The following PTPRT variants were observed in gnomAD, a reference collection of about 807,000 sequenced individuals.
PTPRT encodes receptor-type tyrosine-protein phosphatase T.
PTPRT carries 56 observed loss-of-function variants against 176.8 expected under a neutral mutation model. The ratio of observed to expected loss-of-function variants is 0.32; its 90% CI spans 0.26 to 0.40. The LOEUF is 0.40. Ranked by LOEUF, PTPRT falls within the 10% of genes least tolerant of loss-of-function variation. PTPRT has a pLI of 1.00. For synonymous variants in PTPRT, 783 were observed against 739.0 expected (o/e 1.06, Z -0.96); for missense variants, 1,540 against 1,908.2 (o/e 0.81, Z 3.60).
At chr20:42,815,206 G>A (rs920128396) in intron 2 of PTPRT, among the ~76,000 whole-genome samples, 4 of 152,122 alleles carry the variant, frequency 2.6e-5, no homozygotes, top group Admixed American at 6.5e-5. Context: ...GACATAGCAC[G>A]TTCATTTGCA....
At chr20:43,125,786 A>T (rs2013415514) in intron 1 of PTPRT, among the ~76,000 whole-genome samples, 1 of 152,244 alleles carries the variant, frequency 6.6e-6, no homozygotes, top group African/African-American at 2.4e-5. Context: ...CCTCTGTCAT[A>T]ATCCACAGAT....
chr20:42,531,513 G>A (rs1362421805), intron 7 of PTPRT, among the ~76,000 whole-genome samples: 1 of 152,158 alleles, frequency 6.6e-6, no homozygotes, highest in Admixed American at 6.5e-5. Context: ...GCCATTCTCA[G>A]GCACTCATTT....
intron 29 of PTPRT, 89 bp from the exon 30 acceptor site, chr20:42,082,106 C>A: frequency 6.3e-7 from 1 of 1,578,914 alleles, no homozygotes; most frequent in Non-Finnish European, 8.7e-7. Flanking sequence ...GAGTAGGGAT[C>A]AGCTGTCTGG....
intron 7 of PTPRT, among the ~76,000 whole-genome samples, chr20:42,670,365 C>T (rs1027091811): frequency 4.6e-5 from 7 of 152,102 alleles, no homozygotes; most frequent in East Asian, 3.9e-4. Context: ...TAACACATCC[C>T]GGTCACCCAG....
chr20:42,528,022 A>G (rs561094050), intron 7 of PTPRT, among the ~76,000 whole-genome samples: 1 of 152,360 alleles, frequency 6.6e-6, no homozygotes, highest in African/African-American at 2.4e-5. Context: ...TCATAGGCCA[A>G]GGATGAAATC....
In PTPRT at chr20:42,205,259, T is replaced by C. The variant is rs1365231568; in HGVS notation, c.2343-5871A>G. On this transcript the variant is annotated intron_variant, in intron 15 of 30. Coordinates refer to ENST00000373187, the MANE Select transcript of PTPRT (RefSeq NM_007050.6). ...ATTTTTCTGGTTTAGCAACCTTCTCTTCACCTTTTAAGGCCCAACTCAAAT... is the reference window on the plus strand; with the variant it reads ...ATTTTTCTGGTTTAGCAACCTTCTCCTCACCTTTTAAGGCCCAACTCAAAT... 5.3e-5 allele frequency among the ~76,000 whole-genome samples: 8 copies of C among 152,174 alleles called. No individual in the cohort carries two copies. In the East Asian group the frequency reaches 1.5e-3, roughly 29 times the overall value.
intron 6 of PTPRT, among the ~76,000 whole-genome samples, chr20:42,704,791 G>A (rs577715900): frequency 1.6e-3 from 250 of 152,204 alleles, no homozygotes; most frequent in Middle Eastern, 0.01. Flanking sequence ...GGTCATGTAG[G>A]GGCTGATACA....
At chr20:42,495,958 C>T (rs1291910102) in intron 7 of PTPRT, among the ~76,000 whole-genome samples, 1 of 152,046 alleles carries the variant, frequency 6.6e-6, no homozygotes, top group South Asian at 2.1e-4. Flanking sequence ...TACTCTTGAC[C>T]GAAAGCCTTA....
intron 6 of PTPRT, among the ~76,000 whole-genome samples, chr20:42,747,427 T>C (rs1233915511): frequency 1.3e-5 from 2 of 152,084 alleles, no homozygotes; most frequent in African/African-American, 4.8e-5. Flanking sequence ...GTAGGAAAGA[T>C]GGGTAATCCA....
At chr20:42,940,536 G>A (rs1260364727) in intron 1 of PTPRT, among the ~76,000 whole-genome samples, 2 of 152,174 alleles carry the variant, frequency 1.3e-5, no homozygotes, top group Non-Finnish European at 2.9e-5. Flanking sequence ...GAGGAGATGG[G>A]AGACTGTTTA....
chr20:42,246,155 T>C (rs1180850591), intron 14 of PTPRT, among the ~76,000 whole-genome samples: 1 of 152,048 alleles, frequency 6.6e-6, no homozygotes. Flanking sequence ...TATTGATATA[T>C]ATATGCAGCT....
chr20:42,133,883 G>A (rs1205854474), intron 18 of PTPRT, among the ~76,000 whole-genome samples: 2 of 152,168 alleles, frequency 1.3e-5, no homozygotes, highest in Non-Finnish European at 2.9e-5. Context: ...TACACAGCAG[G>A]TGCTTAATAA....
chr20:42,890,232 C>A (rs953992196), intron 1 of PTPRT, among the ~76,000 whole-genome samples: 3 of 152,216 alleles, frequency 2.0e-5, no homozygotes, highest in African/African-American at 7.2e-5. Flanking sequence ...CCCTATTGGT[C>A]TGACTTGACT....
At position 42,448,464 on chromosome 20, in the gene PTPRT, G is replaced by A. The variant is rs41279248; in HGVS notation, c.1451-135C>T. ...ATATTTTAGGTCTGATGGGCTGTAC[G>A]TTCTCTGTTACAACTACTCAACTCT... On this transcript the variant is annotated intron_variant, in intron 8 of 30. Coordinates refer to ENST00000373187, the MANE Select transcript of PTPRT (RefSeq NM_007050.6). The A allele has an allele frequency of 2.2e-3, 1,466 of 660,908 alleles. 16 individuals are homozygous for A. In the African/African-American group the frequency reaches 0.023, roughly 10 times the overall value. The allele number at this position is 660,908 out of a possible 1,614,324, so 40.9% of individuals were successfully genotyped here.
chr20:42,162,038 A>AT (rs200234483), intron 16 of PTPRT, among the ~76,000 whole-genome samples: 26 of 150,860 alleles, frequency 1.7e-4, no homozygotes, highest in East Asian at 5.9e-4. Context: ...CTTCTCTACT[A>AT]TTTTTTTTTC....
At chr20:42,669,445 C>T (rs543230739) in intron 7 of PTPRT, among the ~76,000 whole-genome samples, 5 of 152,148 alleles carry the variant, frequency 3.3e-5, no homozygotes, top group African/African-American at 9.6e-5. Flanking sequence ...CCATGTTCCC[C>T]GAAGATTTAT....
At chr20:42,931,305 T>TAC (rs576541311) in intron 1 of PTPRT, among the ~76,000 whole-genome samples, 2 of 152,258 alleles carry the variant, frequency 1.3e-5, no homozygotes, top group South Asian at 4.2e-4. Context: ...TTTCTCTTTG[T>TAC]ACACACACAC....
chr20:42,841,754 T>C (rs1007425886), intron 2 of PTPRT, among the ~76,000 whole-genome samples: 2 of 152,186 alleles, frequency 1.3e-5, no homozygotes, highest in Non-Finnish European at 2.9e-5. Context: ...GTGGTAACTA[T>C]TACAAGAGAT....
chr20:42,799,881 C>G (rs2077505211), intron 2 of PTPRT, among the ~76,000 whole-genome samples: 1 of 152,170 alleles, frequency 6.6e-6, no homozygotes, highest in African/African-American at 2.4e-5. Context: ...CTTTACCTGA[C>G]TAGTTAGTGG....
Sources: allele counts gnomAD v4.1 joint callset (sites outside exome capture counted in the v4.1 genomes callset), GRCh38; gene constraint gnomAD v4.1.1; transcripts MANE v1.5; gene names NCBI Gene and HGNC (gene_info 2026-07-23, HGNC 2026-07-21).